The following EDN1 variants were observed in gnomAD, a reference collection of about 807,000 sequenced individuals.
The protein encoded by EDN1 is endothelin 1.
Under a neutral mutation model 21.7 loss-of-function variants are expected in EDN1, and 11 were observed. The ratio of observed to expected loss-of-function variants is 0.51; its 90% confidence interval spans 0.32 to 0.84. The LOEUF is 0.84. EDN1 is among the 40% of genes least tolerant of loss of function. The pLI is 0.03. For missense variants in EDN1, 244 were observed against 262.3 expected, an observed-to-expected ratio of 0.93 and a Z score of 0.48; for synonymous variants, 85 against 90.6, an observed-to-expected ratio of 0.94 and a Z score of 0.35.
chr6:12,288,176 T>G (rs1762595546), upstream of EDN1, among the ~76,000 whole-genome samples: 1 of 151,556 alleles, frequency 6.6e-6, no homozygotes, highest in African/African-American at 2.4e-5. Flanking sequence ...GGTTTCCGGG[T>G]AGGGGCCTTG....
the EDN1 span, among the ~76,000 whole-genome samples, chr6:12,237,773 C>T: frequency 1.3e-5 from 2 of 152,284 alleles, no homozygotes; most frequent in Non-Finnish European, 1.5e-5. Flanking sequence ...AGAATTGTCT[C>T]TACTATAGAA....
the EDN1 span, among the ~76,000 whole-genome samples, chr6:12,274,983 T>TCCCA: frequency 9.4e-6 from 1 of 106,792 alleles, no homozygotes; most frequent in Non-Finnish European, 2.1e-5. Context: ...GCTCCTTCCT[T>TCCCA]CCCTCCCTCC....
At chr6:12,269,050 C>G in the EDN1 span, among the ~76,000 whole-genome samples, 1 of 151,912 alleles carries the variant, frequency 6.6e-6, no homozygotes, top group East Asian at 1.9e-4. Flanking sequence ...TTTTCACTTC[C>G]CTGGTTAAAT....
chr6:12,269,876 G>C, the EDN1 span, among the ~76,000 whole-genome samples: 3 of 151,976 alleles, frequency 2.0e-5, no homozygotes, highest in African/African-American at 7.2e-5. Flanking sequence ...AATTTGAAAA[G>C]AATTGATGTT....
chr6:12,235,621 A>T, the EDN1 span, among the ~76,000 whole-genome samples: 95 of 152,296 alleles, frequency 6.2e-4, no homozygotes, highest in Non-Finnish European at 1.1e-3. Context: ...CGAATTTCTT[A>T]CTTGAGATCG....
At chr6:12,285,155 A>C in the EDN1 span, among the ~76,000 whole-genome samples, 1,764 of 152,284 alleles carry the variant, frequency 0.012, 39 homozygotes, top group African/African-American at 0.039. Context: ...TAATCATATC[A>C]TTATTTTCTC....
At chr6:12,287,704 TCTCTCTCTCACACA>T (rs1762578311), upstream of EDN1, among the ~76,000 whole-genome samples, 1 of 77,112 alleles carries the variant, frequency 1.3e-5, no homozygotes, top group African/African-American at 3.9e-5. Context: ...TCTCTCTCTC[TCTCTCTCTCACACA>T]CACACACACA....
chr6:12,236,717 T>C, the EDN1 span, among the ~76,000 whole-genome samples: 1 of 151,866 alleles, frequency 6.6e-6, no homozygotes, highest in East Asian at 1.9e-4. Flanking sequence ...TTATCCTGAG[T>C]AAGCTCAAGT....
At chr6:12,245,048 T>C in the EDN1 span, among the ~76,000 whole-genome samples, 1 of 152,212 alleles carries the variant, frequency 6.6e-6, no homozygotes, top group Non-Finnish European at 1.5e-5. Context: ...CCCATAATTA[T>C]TAGTGTAAAG....
At chr6:12,237,279 T>C in the EDN1 span, among the ~76,000 whole-genome samples, 1 of 152,092 alleles carries the variant, frequency 6.6e-6, no homozygotes, top group Non-Finnish European at 1.5e-5. Flanking sequence ...ATAATGTAAT[T>C]AGGCCAGTAT....
the EDN1 span, among the ~76,000 whole-genome samples, chr6:12,236,997 A>G: frequency 2.6e-5 from 3 of 116,214 alleles, no homozygotes; most frequent in East Asian, 2.9e-4. Context: ...CACATCAGGT[A>G]CCGGTGTGTG....
the EDN1 span, among the ~76,000 whole-genome samples, chr6:12,253,447 T>C: frequency 3.3e-5 from 5 of 152,058 alleles, no homozygotes; most frequent in East Asian, 1.9e-4. Flanking sequence ...AAAAAATGCA[T>C]AGTATGAAAT....
the EDN1 span, among the ~76,000 whole-genome samples, chr6:12,242,316 T>C: frequency 6.6e-6 from 1 of 152,176 alleles, no homozygotes; most frequent in African/African-American, 2.4e-5. Flanking sequence ...CTCGCCTGAT[T>C]GCAAGGACCA....
At chr6:12,266,393 A>G in the EDN1 span, among the ~76,000 whole-genome samples, 1 of 152,220 alleles carries the variant, frequency 6.6e-6, no homozygotes, top group African/African-American at 2.4e-5. Context: ...TTTAGAGCAG[A>G]GCAGGAGGGA....
chr6:12,257,411 A>C, the EDN1 span, among the ~76,000 whole-genome samples: 1 of 152,204 alleles, frequency 6.6e-6, no homozygotes, highest in Non-Finnish European at 1.5e-5. Context: ...GAAGTCCTTT[A>C]AATTTAATAG....
intron 2 of EDN1, 27 bp from the exon 3 acceptor site, chr6:12,293,914 T>C (rs1346146375): frequency 1.2e-6 from 2 of 1,613,188 alleles, no homozygotes; most frequent in African/African-American, 2.7e-5. Context: ...TACACTAATA[T>C]AGTTTCTTTC....
intron 4 of EDN1, among the ~76,000 whole-genome samples, chr6:12,294,781 A>T (rs1762779462): frequency 6.6e-6 from 1 of 152,202 alleles, no homozygotes; most frequent in Non-Finnish European, 1.5e-5. Flanking sequence ...TGGGGAGCGG[A>T]CATTTAGAAA....
the EDN1 span, among the ~76,000 whole-genome samples, chr6:12,264,001 A>T: frequency 6.6e-6 from 1 of 152,202 alleles, no homozygotes; most frequent in Non-Finnish European, 1.5e-5. Context: ...ATTGAGAAAA[A>T]AATTTCATTC....
chr6:12,264,591 CACACTA>C, the EDN1 span, among the ~76,000 whole-genome samples: 2 of 152,100 alleles, frequency 1.3e-5, no homozygotes, highest in African/African-American at 4.8e-5. Context: ...ACACATAAAA[CACACTA>C]ACACTAACGA....
Sources: allele counts gnomAD v4.1 joint callset (sites outside exome capture counted in the v4.1 genomes callset), GRCh38; gene constraint gnomAD v4.1.1; transcripts MANE v1.5; gene names NCBI Gene and HGNC (gene_info 2026-07-23, HGNC 2026-07-21).